The following SPOCK3 variants were observed in gnomAD, a reference collection of about 807,000 sequenced individuals.
SPOCK3 encodes the protein testican-3.
Under a neutral mutation model 56.6 loss-of-function variants are expected in SPOCK3, and 30 were observed. The observed-to-expected ratio is 0.53, with a 90% CI of 0.40 to 0.72. SPOCK3 has a LOEUF of 0.72. SPOCK3 is among the 30% of genes least tolerant of loss of function. SPOCK3 has a pLI of 0.00. For missense variants in SPOCK3, 527 were observed against 530.0 expected (o/e 0.99, Z 0.06); for synonymous variants, 196 against 183.3 (o/e 1.07, Z -0.56).
At chr4:167,202,915 A>G (rs1268919132) in intron 2 of SPOCK3, among the ~76,000 whole-genome samples, 1 of 151,888 alleles carries the variant, frequency 6.6e-6, no homozygotes, top group African/African-American at 2.4e-5. Context: ...TCTCCACTTA[A>G]GCATTCTTTT....
intron 6 of SPOCK3, among the ~76,000 whole-genome samples, chr4:166,843,767 A>G (rs1316235616): frequency 2.6e-5 from 4 of 152,234 alleles, no homozygotes; most frequent in Non-Finnish European, 5.9e-5. Flanking sequence ...TTATGCAATA[A>G]GAAAATAATA....
At chr4:166,935,283 C>A (rs1174790603) in intron 4 of SPOCK3, among the ~76,000 whole-genome samples, 1 of 152,118 alleles carries the variant, frequency 6.6e-6, no homozygotes, top group Non-Finnish European at 1.5e-5. Flanking sequence ...CAGCAAAGGG[C>A]AGGCTTGCTC....
chr4:166,777,787 T>A (rs553075048), intron 7 of SPOCK3, among the ~76,000 whole-genome samples: 2 of 152,156 alleles, frequency 1.3e-5, no homozygotes, highest in African/African-American at 2.4e-5. Flanking sequence ...CCAAAAAACC[T>A]GGGGTTAAAT....
intron 3 of SPOCK3, among the ~76,000 whole-genome samples, chr4:167,003,166 G>A (rs994287359): frequency 2.6e-5 from 4 of 151,788 alleles, no homozygotes; most frequent in Non-Finnish European, 4.4e-5. Context: ...TCAAGAAAAT[G>A]GAACTCAAAA....
chr4:166,861,633 C>G (rs1302612242), intron 6 of SPOCK3, among the ~76,000 whole-genome samples: 3 of 152,072 alleles, frequency 2.0e-5, no homozygotes, highest in Admixed American at 2.0e-4. Flanking sequence ...GTGGCTCTCT[C>G]CAGCCAGGTG....
At chr4:166,966,689 C>T (rs1490729054) in intron 4 of SPOCK3, among the ~76,000 whole-genome samples, 1 of 152,088 alleles carries the variant, frequency 6.6e-6, no homozygotes, top group Admixed American at 6.6e-5. Flanking sequence ...AAAGTTTATT[C>T]ACTGTGTTTT....
At chr4:167,190,153 G>GT (rs1398191254) in intron 2 of SPOCK3, among the ~76,000 whole-genome samples, 5 of 146,012 alleles carry the variant, frequency 3.4e-5, no homozygotes, top group Non-Finnish European at 6.0e-5. Flanking sequence ...AAGATTGCTA[G>GT]GTTGTATTGT....
At chr4:167,037,160 C>T (rs1752827979) in intron 3 of SPOCK3, among the ~76,000 whole-genome samples, 1 of 152,126 alleles carries the variant, frequency 6.6e-6, no homozygotes, top group Admixed American at 6.5e-5. Flanking sequence ...AGGATATTTG[C>T]TTGTGCTTTA....
chr4:167,206,848 C>T (rs1043775355), intron 2 of SPOCK3, among the ~76,000 whole-genome samples: 2 of 151,218 alleles, frequency 1.3e-5, no homozygotes, highest in Non-Finnish European at 2.9e-5. Flanking sequence ...TGAAAGTAGT[C>T]CATAGAAAAA....
intron 9 of SPOCK3, among the ~76,000 whole-genome samples, chr4:166,738,781 G>A (rs895611689): frequency 2.6e-5 from 4 of 151,412 alleles, no homozygotes; most frequent in East Asian, 1.9e-4. Context: ...CATCCATGTC[G>A]CTATAAAGGA....
intron 2 of SPOCK3, among the ~76,000 whole-genome samples, chr4:167,092,431 C>T (rs1758784476): frequency 6.6e-6 from 1 of 152,134 alleles, no homozygotes; most frequent in Non-Finnish European, 1.5e-5. Context: ...CTTATTTTAT[C>T]TTAGTGCCTT....
At chr4:167,232,138 G>T (rs1214853099) in intron 2 of SPOCK3, among the ~76,000 whole-genome samples, 3 of 152,022 alleles carry the variant, frequency 2.0e-5, no homozygotes, top group Non-Finnish European at 4.4e-5. Context: ...AGGCAACTCA[G>T]CTTGTCTCAA....
intron 2 of SPOCK3, among the ~76,000 whole-genome samples, chr4:167,108,930 A>G (rs1385009377): frequency 7.8e-6 from 1 of 128,992 alleles, no homozygotes; most frequent in Non-Finnish European, 1.6e-5. Flanking sequence ...ACAAATATAT[A>G]TATTTTATAT....
At chr4:166,895,034 T>C (rs10027643) in intron 5 of SPOCK3, among the ~76,000 whole-genome samples, 2,098 of 152,238 alleles carry the variant, frequency 0.014, 57 homozygotes, top group African/African-American at 0.048. Flanking sequence ...AGTAGGTTTA[T>C]CTTATAATAA....
rs867685851 is a variant in SPOCK3 at position 167,213,876 on chromosome 4, G to A, written c.189+20109C>T. Among the ~76,000 whole-genome samples, 10 of 152,166 alleles carry A rather than the reference G, an allele frequency of 6.6e-5. No individual in the cohort carries two copies. The Middle Eastern group carries it at 0.017, about 259-fold the overall frequency. On this transcript the variant is annotated intron_variant, in intron 2 of 10. Transcript: ENST00000357545. ...GCAGTCACCATAAAAAATTGTAAAC[G>A]TCAAGGTGGCATTTCATCACACAGA...
At chr4:167,093,490 T>A (rs1758887611) in intron 2 of SPOCK3, among the ~76,000 whole-genome samples, 2 of 152,210 alleles carry the variant, frequency 1.3e-5, no homozygotes, top group African/African-American at 4.8e-5. Context: ...CCCATCCCTG[T>A]GTTCATGTGT....
chr4:166,786,163 C>T (rs958852007), intron 7 of SPOCK3, among the ~76,000 whole-genome samples: 27 of 151,960 alleles, frequency 1.8e-4, no homozygotes, highest in East Asian at 1.7e-3. Context: ...GTTTGGGCAA[C>T]GAGCTGGATG....
chr4:166,913,071 C>A (rs1319986686), intron 4 of SPOCK3, among the ~76,000 whole-genome samples: 1 of 152,102 alleles, frequency 6.6e-6, no homozygotes, highest in African/African-American at 2.4e-5. Context: ...AAAGAACTCA[C>A]ACATCTGGCA....
chr4:167,147,218 G>T (rs917724090), intron 2 of SPOCK3, among the ~76,000 whole-genome samples: 4 of 152,078 alleles, frequency 2.6e-5, no homozygotes, highest in African/African-American at 9.7e-5. Flanking sequence ...ATAAGAAATG[G>T]ATAAGTTCAT....
Sources: allele counts gnomAD v4.1 joint callset (sites outside exome capture counted in the v4.1 genomes callset), GRCh38; gene constraint gnomAD v4.1.1; transcripts MANE v1.5; gene names NCBI Gene and HGNC (gene_info 2026-07-23, HGNC 2026-07-21).